CHRM3: variants seen among roughly 807,000 people sequenced by gnomAD.
CHRM3 encodes cholinergic receptor muscarinic 3, also known as muscarinic acetylcholine receptor M3.
CHRM3 carries 11 observed loss-of-function variants against 41.8 expected under a neutral mutation model. The ratio of observed to expected loss-of-function variants is 0.26; its 90% CI spans 0.17 to 0.44. The LOEUF (loss-of-function observed/expected upper bound fraction) is 0.44. Ranked by LOEUF, CHRM3 falls within the 20% of genes least tolerant of loss-of-function variation. The probability of loss-of-function intolerance (pLI) is 1.00; values close to 1 mark genes in which losing one functional copy is unlikely to be tolerated. For missense variants in CHRM3, 571 were observed against 745.4 expected (o/e 0.77, Z 2.72); for synonymous variants, 297 against 301.4 (o/e 0.99, Z 0.15).
intron 1 of CHRM3, among the ~76,000 whole-genome samples, chr1:239,405,316 AC>A (rs1572183269): frequency 6.6e-6 from 1 of 152,120 alleles, no homozygotes; most frequent in East Asian, 1.9e-4. Context: ...CTTGCTAGTT[AC>A]GTTTTTTTAA....
At chr1:239,785,614 T>C (rs1413787452) in intron 5 of CHRM3, among the ~76,000 whole-genome samples, 2 of 152,200 alleles carry the variant, frequency 1.3e-5, no homozygotes, top group Non-Finnish European at 2.9e-5. Flanking sequence ...TCTTTCTTTA[T>C]TTTAATGTCT....
chr1:239,517,766 C>T (rs1669369281), intron 2 of CHRM3, among the ~76,000 whole-genome samples: 1 of 152,110 alleles, frequency 6.6e-6, no homozygotes, highest in Non-Finnish European at 1.5e-5. Context: ...ATTTTGATTG[C>T]CTTTGTCTTA....
intron 2 of CHRM3, among the ~76,000 whole-genome samples, chr1:239,509,320 T>C (rs905286710): frequency 1.3e-5 from 2 of 152,226 alleles, no homozygotes; most frequent in African/African-American, 4.8e-5. Flanking sequence ...CTGATCTTCT[T>C]ATAGTCTTAC....
chr1:239,551,144 CTTTTTTT>C (rs1157407521), intron 3 of CHRM3, among the ~76,000 whole-genome samples: 2 of 60,350 alleles, frequency 3.3e-5, no homozygotes, highest in East Asian at 5.7e-4. Context: ...TGTTACCATT[CTTTTTTT>C]TTTTTTTTTT....
At position 239,424,159 on chromosome 1, in the gene CHRM3, TCCATAGATTTCGG is replaced by T. The variant is rs375594846; in HGVS notation, c.-521+36936_-521+36948del. On this transcript the variant is annotated intron_variant, in intron 1 of 6. Transcript: ENST00000676153. ...TATTCTTTTAGTTGCGCAATGTGCT[TCCATAGATTTCGG>T]CCACACATCTGTTAGTGCTCCTAAC... Among the ~76,000 whole-genome samples the T allele has an allele frequency of 6.7e-4, 102 of 152,192 alleles. 1 individual carries two copies. Among genetic ancestry groups the T allele is most frequent in the African/African-American group, 2.3e-3 (97 of 41,526 alleles).
intron 6 of CHRM3, among the ~76,000 whole-genome samples, chr1:239,905,495 C>T (rs867596130): frequency 1.3e-4 from 20 of 152,088 alleles, no homozygotes; most frequent in Non-Finnish European, 2.5e-4. Flanking sequence ...AACTAGATGC[C>T]GGGGTTTTGA....
At chr1:239,397,196 C>G (rs1226641760) in intron 1 of CHRM3, among the ~76,000 whole-genome samples, 1 of 152,106 alleles carries the variant, frequency 6.6e-6, no homozygotes, top group Non-Finnish European at 1.5e-5. Context: ...TATTTGATGA[C>G]GTGAACTCTC....
At chr1:239,832,462 G>A (rs1021280707) in intron 6 of CHRM3, among the ~76,000 whole-genome samples, 1 of 127,058 alleles carries the variant, frequency 7.9e-6, no homozygotes, top group African/African-American at 2.8e-5. Context: ...ACTTGACCAT[G>A]CTAAGAAGCC....
chr1:239,771,087 C>CAA (rs1344290628), intron 5 of CHRM3, among the ~76,000 whole-genome samples: 3 of 133,664 alleles, frequency 2.2e-5, no homozygotes, highest in Admixed American at 7.7e-5. Flanking sequence ...GACTCCATCT[C>CAA]AAAAAAAAAA....
At chr1:239,757,859 T>C (rs780430065) in intron 5 of CHRM3, among the ~76,000 whole-genome samples, 4 of 152,158 alleles carry the variant, frequency 2.6e-5, no homozygotes, top group Non-Finnish European at 4.4e-5. Flanking sequence ...GGTATCTTAA[T>C]GAAGCAGCAG....
intron 4 of CHRM3, among the ~76,000 whole-genome samples, chr1:239,644,396 G>A (rs554635717): frequency 5.1e-4 from 78 of 151,628 alleles, no homozygotes; most frequent in Non-Finnish European, 5.4e-4. Flanking sequence ...CAGCCTCAGA[G>A]CCTACATGTG....
At chr1:239,742,423 A>G (rs1664939458) in intron 5 of CHRM3, among the ~76,000 whole-genome samples, 3 of 152,132 alleles carry the variant, frequency 2.0e-5, no homozygotes, top group Admixed American at 6.5e-5. Flanking sequence ...TTCATTCACA[A>G]GTAGGGTGGC....
At chr1:239,522,939 T>C (rs1165050886) in intron 2 of CHRM3, among the ~76,000 whole-genome samples, 1 of 152,104 alleles carries the variant, frequency 6.6e-6, no homozygotes, top group African/African-American at 2.4e-5. Flanking sequence ...ATGTCCATTA[T>C]GAACCATGAG....
intron 3 of CHRM3, among the ~76,000 whole-genome samples, chr1:239,614,982 A>C (rs1001355377): frequency 6.6e-6 from 1 of 152,200 alleles, no homozygotes; most frequent in Non-Finnish European, 1.5e-5. Flanking sequence ...TTATAAAAGG[A>C]AAATGGAATA....
At chr1:239,538,770 A>C (rs1049570307) in intron 2 of CHRM3, among the ~76,000 whole-genome samples, 1 of 152,194 alleles carries the variant, frequency 6.6e-6, no homozygotes, top group Non-Finnish European at 1.5e-5. Context: ...ATGTAAACAC[A>C]CATATAAACC....
chr1:239,536,186 T>C (rs1658179943), intron 2 of CHRM3, among the ~76,000 whole-genome samples: 1 of 152,194 alleles, frequency 6.6e-6, no homozygotes, highest in Non-Finnish European at 1.5e-5. Context: ...TTAGGTTTGA[T>C]TGCTTACCTT....
At chr1:239,741,943 A>G (rs1370853507) in intron 5 of CHRM3, among the ~76,000 whole-genome samples, 1 of 152,144 alleles carries the variant, frequency 6.6e-6, no homozygotes, top group Non-Finnish European at 1.5e-5. Flanking sequence ...AGTCAGCCCC[A>G]TGCATCGTAT....
intron 4 of CHRM3, among the ~76,000 whole-genome samples, chr1:239,652,361 C>T (rs149382719): frequency 6.6e-6 from 1 of 152,292 alleles, no homozygotes; most frequent in East Asian, 1.9e-4. Flanking sequence ...GTTCAAATCC[C>T]CATTCCACCT....
intron 5 of CHRM3, among the ~76,000 whole-genome samples, chr1:239,694,230 G>A (rs141917018): frequency 7.2e-5 from 11 of 152,258 alleles, no homozygotes; most frequent in East Asian, 1.9e-4. Flanking sequence ...TTAGATGATC[G>A]ATACAAACCT....
Sources: gnomAD v4.1 joint callset for allele counts (sites outside exome capture counted in the v4.1 genomes callset) on GRCh38, gnomAD v4.1.1 for gene constraint, MANE v1.5 for transcripts, NCBI Gene and HGNC (gene_info 2026-07-23, HGNC 2026-07-21) for gene names.